The following RAD50 variants were observed in gnomAD, a reference collection of about 807,000 sequenced individuals.
RAD50 encodes the protein DNA repair protein RAD50.
A neutral mutation model predicts 168.8 loss-of-function variants in RAD50; 132 were observed. The ratio of observed to expected loss-of-function variants is 0.78; its 90% CI spans 0.68 to 0.90. The LOEUF (loss-of-function observed/expected upper bound fraction) is 0.90. Ranked by LOEUF, RAD50 falls within the 40% of genes least tolerant of loss-of-function variation. RAD50 has a pLI of 0.00. For missense variants in RAD50, 1,347 were observed against 1,534.4 expected (o/e 0.88, Z 2.04); for synonymous variants, 525 against 497.4 (o/e 1.06, Z -0.74).
At chr5:132,592,377 A>T (rs966367708) in intron 11 of RAD50, among the ~76,000 whole-genome samples, 1 of 152,054 alleles carries the variant, frequency 6.6e-6, no homozygotes, top group Non-Finnish European at 1.5e-5. Context: ...CCCTTTAAAG[A>T]TTTTTTTAAG....
At chr5:132,568,316 C>T (rs1457544385) in intron 2 of RAD50, among the ~76,000 whole-genome samples, 1 of 151,952 alleles carries the variant, frequency 6.6e-6, no homozygotes, top group East Asian at 1.9e-4. Context: ...AACTCATGAC[C>T]TTGTGATCCG....
rs1751803043 is a variant in RAD50 at position 132,644,232 on chromosome 5, G to A, written c.*1868G>A. On this transcript the variant is annotated 3_prime_UTR_variant, in exon 25 of 25. Coordinates refer to ENST00000378823, the MANE Select transcript of RAD50 (RefSeq NM_005732.4). ...CCCTGAATATGTGGCATCCTTGGCA[G>A]CACTTCTGAGAGTGGCTGCTTTCAT... The A allele has an allele frequency of 5.7e-6, 1 of 175,502 alleles. No individual in the cohort carries two copies. The highest frequency in any genetic ancestry group is 2.4e-5 in the African/African-American group (1 of 42,342). 10.9% of individuals were successfully genotyped at this position (175,502 alleles called of 1,614,324 possible).
Position 132,616,130 on chromosome 5 carries a change from G to A in RAD50, c.3164G>A (p.Ser1055Asn), listed in dbSNP as rs786202234. The change falls in exon 20 of 25, where the codon AGT becomes AAT. Residue 1055 changes from serine (S) to asparagine (N), a missense_variant and splice_region_variant. By Grantham distance (46) the Ser-to-Asn change is conservative (BLOSUM62 1). This residue lies in a region of RAD50 where 635 missense variants were observed against 739.2 expected (regional missense o/e 0.86). Transcript: ENST00000378823. ...MGQMQVLQMK[S>N]EHQKLEENID... ...CAAATGCAGGTTTTGCAAATGAAAA[G>A]GTATGCTTTTAAAATAATCTTCAGT... 3 of 1,611,978 alleles carry A rather than the reference G, an allele frequency of 1.9e-6. No homozygotes were observed. Among genetic ancestry groups the A allele is most frequent in the Non-Finnish European group, 1.7e-6 (2 of 1,178,736 alleles).
At chr5:132,631,923 G>T (rs1345345439) in intron 21 of RAD50, among the ~76,000 whole-genome samples, 1 of 152,230 alleles carries the variant, frequency 6.6e-6, no homozygotes, top group African/African-American at 2.4e-5. Flanking sequence ...ACCTATTACC[G>T]TGGCACCTTT....
At chr5:132,559,668 C>A (rs969845698) in intron 2 of RAD50, among the ~76,000 whole-genome samples, 1 of 152,074 alleles carries the variant, frequency 6.6e-6, no homozygotes, top group African/African-American at 2.4e-5. Context: ...GTAAGTGTTT[C>A]TTTTAATCTT....
At chr5:132,565,788 T>A (rs187944269) in intron 2 of RAD50, among the ~76,000 whole-genome samples, 132 of 152,336 alleles carry the variant, frequency 8.7e-4, no homozygotes, top group Non-Finnish European at 6.2e-4. Flanking sequence ...CACTATTCCC[T>A]GGCGTGGACA....
At chr5:132,642,069 C>T in intron 24 of RAD50, 109 bp from the exon 25 acceptor site, 1 of 1,234,792 alleles carries the variant, frequency 8.1e-7, no homozygotes, top group Non-Finnish European at 1.2e-6. Flanking sequence ...AGCTGGGGCC[C>T]TGACACACAG....
At chr5:132,620,484 T>G (rs918933945) in intron 21 of RAD50, among the ~76,000 whole-genome samples, 1 of 152,248 alleles carries the variant, frequency 6.6e-6, no homozygotes, top group African/African-American at 2.4e-5. Flanking sequence ...TAGCAGAATT[T>G]TCTTTATCCA....
chr5:132,587,426 C>T, intron 5 of RAD50, 136 bp from the exon 6 acceptor site: 2 of 1,316,174 alleles, frequency 1.5e-6, no homozygotes, highest in Non-Finnish European at 2.0e-6. Context: ...TCTAGGCCTG[C>T]TCTACAGTGT....
At chr5:132,631,527 T>C (rs1367611617) in intron 21 of RAD50, among the ~76,000 whole-genome samples, 1 of 152,220 alleles carries the variant, frequency 6.6e-6, no homozygotes, top group African/African-American at 2.4e-5. Flanking sequence ...GTGGAGCTGA[T>C]ACACTAGCCA....
chr5:132,599,035 G>T (rs1580998828), intron 13 of RAD50, among the ~76,000 whole-genome samples: 2 of 152,138 alleles, frequency 1.3e-5, no homozygotes, highest in East Asian at 3.8e-4. Flanking sequence ...CCACACATTT[G>T]TATATTCTAT....
intron 21 of RAD50, among the ~76,000 whole-genome samples, chr5:132,620,860 G>A (rs1474807809): frequency 6.6e-6 from 1 of 152,080 alleles, no homozygotes; most frequent in Non-Finnish European, 1.5e-5. Flanking sequence ...AAGTAAACTG[G>A]AGACAAGAAA....
intron 2 of RAD50, among the ~76,000 whole-genome samples, chr5:132,569,974 TAGAG>T (rs779353262): frequency 5.3e-5 from 8 of 152,136 alleles, no homozygotes; most frequent in Non-Finnish European, 8.8e-5. Flanking sequence ...AGATAATGCT[TAGAG>T]AGATACGGTA....
At chr5:132,639,277 T>C (rs142694884) in intron 23 of RAD50, among the ~76,000 whole-genome samples, 5,201 of 145,366 alleles carry the variant, frequency 0.036, 297 homozygotes, top group African/African-American at 0.13. Flanking sequence ...TGCTTGAACC[T>C]GGGAGGCGGA....
At chr5:132,628,169 A>G (rs1751400574) in intron 21 of RAD50, among the ~76,000 whole-genome samples, 2 of 152,198 alleles carry the variant, frequency 1.3e-5, no homozygotes, top group Admixed American at 6.5e-5. Flanking sequence ...AGTTGGATAT[A>G]TAACCTCGAG....
In RAD50 at chr5:132,623,566, A is replaced by G. The variant is rs372736960; in HGVS notation, c.3389+5272A>G. Among the ~76,000 whole-genome samples the G allele has an allele frequency of 1.4e-4, 22 of 152,240 alleles. No homozygotes were observed. The East Asian group carries it at 1.7e-3, about 12-fold the overall frequency. Reference sequence around the variant, plus strand: ...ACTGACTGGTCTGGTTTTCACTTCTATCTTCGTTTCTATTATGTAGGGATT... The same window carrying G: ...ACTGACTGGTCTGGTTTTCACTTCTGTCTTCGTTTCTATTATGTAGGGATT... On this transcript the variant is annotated intron_variant, in intron 21 of 24. Transcript: ENST00000378823.
intron 14 of RAD50, 136 bp downstream of exon 14, chr5:132,603,625 C>A: frequency 1.9e-6 from 2 of 1,031,040 alleles, no homozygotes; most frequent in Non-Finnish European, 3.0e-6. Flanking sequence ...TTTCAGATAC[C>A]CTCAGGGAGA....
chr5:132,559,461 A>G, intron 2 of RAD50, 94 bp downstream of exon 2: 5 of 1,329,760 alleles, frequency 3.8e-6, no homozygotes, highest in East Asian at 2.6e-5. Context: ...ATAAAGAGAA[A>G]TGAAAGTCAG....
intron 22 of RAD50, 65 bp from the exon 23 acceptor site, chr5:132,638,016 T>A (rs1581020935): frequency 1.3e-6 from 2 of 1,537,698 alleles, no homozygotes; most frequent in Non-Finnish European, 1.8e-6. Context: ...TTACTTGATA[T>A]GTTTGTAAAT....
Sources: allele counts gnomAD v4.1 joint callset (sites outside exome capture counted in the v4.1 genomes callset), GRCh38; gene constraint gnomAD v4.1.1; regional missense constraint gnomAD v4.1.1; transcripts MANE v1.5; gene names NCBI Gene and HGNC (gene_info 2026-07-23, HGNC 2026-07-21).